The following AGBL4 variants were observed in gnomAD, a reference collection of about 807,000 sequenced individuals.
The protein encoded by AGBL4 is AGBL carboxypeptidase 4.
AGBL4 carries 58 observed loss-of-function variants against 66.4 expected under a neutral mutation model. The ratio of observed to expected loss-of-function variants is 0.87; its 90% confidence interval spans 0.71 to 1.09. The LOEUF (loss-of-function observed/expected upper bound fraction) is 1.09, where lower values mean the gene tolerates loss of function less well. Ranked by LOEUF, AGBL4 falls within the 50% of genes least tolerant of loss-of-function variation. The pLI is 0.00. For missense variants in AGBL4, 579 were observed against 631.0 expected (o/e 0.92, Z 0.88); for synonymous variants, 234 against 222.9 (o/e 1.05, Z -0.44).
At chr1:49,258,446 T>C (rs542455933) in intron 3 of AGBL4, among the ~76,000 whole-genome samples, 75 of 151,930 alleles carry the variant, frequency 4.9e-4, no homozygotes, top group African/African-American at 1.2e-3. Flanking sequence ...ATAACCAATA[T>C]AGAGAAGTGC....
chr1:49,789,581 A>G (rs1217893986), intron 2 of AGBL4, among the ~76,000 whole-genome samples: 1 of 152,196 alleles, frequency 6.6e-6, no homozygotes, highest in African/African-American at 2.4e-5. Context: ...ACTCCCATTC[A>G]TGATTGCTAC....
intron 3 of AGBL4, among the ~76,000 whole-genome samples, chr1:49,363,319 A>T (rs1456254503): frequency 6.6e-6 from 1 of 152,114 alleles, no homozygotes; most frequent in African/African-American, 2.4e-5. Context: ...TCTAATGAGG[A>T]CCCCAAAAGT....
rs140936512 is a variant in AGBL4, at chr1:49,825,053, T to A, written c.157+26343A>T. On this transcript the variant is annotated intron_variant, in intron 2 of 13. Coordinates refer to ENST00000371839, the MANE Select transcript of AGBL4 (RefSeq NM_032785.4). ...GCCAGTAAGTAACCACCCTGATAAGTCACCCAACCTGTTACAGCTTCCTAA... is the reference window on the plus strand; with the variant it reads ...GCCAGTAAGTAACCACCCTGATAAGACACCCAACCTGTTACAGCTTCCTAA... Among the ~76,000 whole-genome samples the A allele has an allele frequency of 3.6e-3, 555 of 152,282 alleles. 4 individuals carry two copies. Among genetic ancestry groups the A allele is most frequent in the African/African-American group, 0.013 (528 of 41,558 alleles).
intron 3 of AGBL4, among the ~76,000 whole-genome samples, chr1:49,250,440 A>T (rs1424187991): frequency 3.3e-5 from 4 of 122,712 alleles, no homozygotes; most frequent in South Asian, 2.8e-4. Flanking sequence ...ACAGGAACTA[A>T]TTTTTTTTTT....
chr1:49,262,513 C>T lies in AGBL4; in HGVS notation c.283-16649G>A, dbSNP rs551810616. Among the ~76,000 whole-genome samples, 712 of 152,278 alleles carry T rather than the reference C, an allele frequency of 4.7e-3. 6 individuals are homozygous for T. The highest frequency in any genetic ancestry group is 0.016 in the African/African-American group (683 of 41,554). ...GGGCAAAGTATATGAACAGACACTT[C>T]TCAAAAGAAGATATTTATGCAGCCA... On this transcript the variant is annotated intron_variant, in intron 3 of 13. Transcript: ENST00000371839.
chr1:50,004,181 C>T (rs1235670604), intron 1 of AGBL4, among the ~76,000 whole-genome samples: 1 of 152,180 alleles, frequency 6.6e-6, no homozygotes, highest in Non-Finnish European at 1.5e-5. Flanking sequence ...CAGTGCTACC[C>T]TGTCACAGCA....
At chr1:49,094,669 T>A (rs1645061391) in intron 4 of AGBL4, among the ~76,000 whole-genome samples, 1 of 152,226 alleles carries the variant, frequency 6.6e-6, no homozygotes, top group South Asian at 2.1e-4. Context: ...ATAAATTAGG[T>A]ATTGATGGGC....
At chr1:49,748,462 A>G (rs1326453022) in intron 2 of AGBL4, among the ~76,000 whole-genome samples, 2 of 152,200 alleles carry the variant, frequency 1.3e-5, no homozygotes, top group Non-Finnish European at 2.9e-5. Flanking sequence ...ATACCACTAC[A>G]ATAAACATGC....
intron 11 of AGBL4, among the ~76,000 whole-genome samples, chr1:48,581,201 G>A (rs1354947661): frequency 6.6e-6 from 1 of 152,190 alleles, no homozygotes; most frequent in African/African-American, 2.4e-5. Context: ...GGATGGATGA[G>A]TAAATAAACG....
chr1:49,747,758 T>C (rs1053259356), intron 2 of AGBL4, among the ~76,000 whole-genome samples: 2 of 152,200 alleles, frequency 1.3e-5, no homozygotes, highest in Non-Finnish European at 2.9e-5. Context: ...TCGACTGATC[T>C]ATCGACATAT....
chr1:49,924,197 C>A (rs188040709), intron 1 of AGBL4, among the ~76,000 whole-genome samples: 56 of 152,226 alleles, frequency 3.7e-4, no homozygotes, highest in African/African-American at 1.2e-3. Flanking sequence ...GAACAAAAAA[C>A]CAAATACTGC....
At chr1:50,002,292 C>T (rs1459094652) in intron 1 of AGBL4, among the ~76,000 whole-genome samples, 1 of 151,642 alleles carries the variant, frequency 6.6e-6, no homozygotes, top group East Asian at 1.9e-4. Context: ...ATACAATACC[C>T]CAGTGTTAGC....
chr1:49,189,990 C>G (rs1030856707), intron 4 of AGBL4, among the ~76,000 whole-genome samples: 5 of 152,068 alleles, frequency 3.3e-5, no homozygotes, highest in Admixed American at 6.6e-5. Context: ...TTTATTTTTC[C>G]TCCAAAGACT....
chr1:48,537,678 G>T (rs1303543507), intron 12 of AGBL4, among the ~76,000 whole-genome samples: 2 of 152,162 alleles, frequency 1.3e-5, no homozygotes, highest in African/African-American at 4.8e-5. Flanking sequence ...ATTGGTATAT[G>T]ACAATGCAAC....
At chr1:48,670,849 G>A (rs925203734) in intron 6 of AGBL4, among the ~76,000 whole-genome samples, 7 of 152,242 alleles carry the variant, frequency 4.6e-5, no homozygotes, top group Non-Finnish European at 1.0e-4. Context: ...CAGACTCAGA[G>A]GCTCTGAGAT....
intron 5 of AGBL4, among the ~76,000 whole-genome samples, chr1:48,944,036 A>G (rs2148918714): frequency 6.6e-6 from 1 of 152,340 alleles, no homozygotes; most frequent in South Asian, 2.1e-4. Context: ...TGATTGCACA[A>G]TCCCATATGC....
intron 2 of AGBL4, among the ~76,000 whole-genome samples, chr1:49,778,211 GGGTGGAA>G (rs1380963705): frequency 6.6e-6 from 1 of 152,092 alleles, no homozygotes; most frequent in Non-Finnish European, 1.5e-5. Context: ...CTACCTTATA[GGGTGGAA>G]GTTCTATGCC....
intron 6 of AGBL4, among the ~76,000 whole-genome samples, chr1:48,732,150 AC>A (rs1330249455): frequency 1.3e-5 from 2 of 152,104 alleles, no homozygotes; most frequent in Non-Finnish European, 2.9e-5. Context: ...CAAGGATGAG[AC>A]CTGGGTGCCT....
intron 3 of AGBL4, among the ~76,000 whole-genome samples, chr1:49,553,698 A>C (rs1386476768): frequency 6.6e-6 from 1 of 152,214 alleles, no homozygotes; most frequent in African/African-American, 2.4e-5. Context: ...AAAGAATAGT[A>C]TACTCTGTAC....
Sources: gnomAD v4.1 joint callset for allele counts (sites outside exome capture counted in the v4.1 genomes callset) on GRCh38, gnomAD v4.1.1 for gene constraint, MANE v1.5 for transcripts, NCBI Gene and HGNC (gene_info 2026-07-23, HGNC 2026-07-21) for gene names.